TBCK: variants seen among roughly 807,000 people sequenced by gnomAD.
TBCK encodes TBC domain-containing protein kinase-like protein.
TBCK carries 99 observed loss-of-function variants against 113.4 expected under a neutral mutation model. The ratio of observed to expected loss-of-function variants is 0.87; its 90% CI spans 0.74 to 1.03. TBCK has a LOEUF of 1.03. TBCK is among the 50% of genes least tolerant of loss of function. The pLI, the probability that TBCK is intolerant of heterozygous loss-of-function variation, is 0.00. For synonymous variants in TBCK, 369 were observed against 370.8 expected, an observed-to-expected ratio of 1.00 and a Z score of 0.05; for missense variants, 1,045 against 1,061.3, an observed-to-expected ratio of 0.98 and a Z score of 0.21.
chr4:106,212,855 G>C lies in TBCK; in HGVS notation c.1775-20C>G. 6.6e-7 allele frequency: 1 copy of C among 1,524,100 alleles called. No individual in the cohort carries two copies. Among genetic ancestry groups the C allele is most frequent in the Non-Finnish European group, 9.1e-7 (1 of 1,101,336 alleles). 94.4% of individuals were successfully genotyped at this position (1,524,100 alleles called of 1,614,324 possible). On this transcript the variant is annotated intron_variant, in intron 19 of 25. Coordinates refer to ENST00000394708, the MANE Select transcript of TBCK (RefSeq NM_001163435.3). ...GATACTCTGAAATTACAAAGTTTGA[G>C]ACAATCATCATTTTTACACAGTACT...
At chr4:106,205,587 C>CAAAAAAAAAAA (rs70941240) in intron 20 of TBCK, among the ~76,000 whole-genome samples, 3 of 64,212 alleles carry the variant, frequency 4.7e-5, no homozygotes, top group African/African-American at 6.0e-5. Flanking sequence ...ACTAAAAATA[C>CAAAAAAAAAAA]AAAAAAAAAA....
At chr4:106,112,724 A>G (rs1209478080) in intron 24 of TBCK, among the ~76,000 whole-genome samples, 1 of 152,142 alleles carries the variant, frequency 6.6e-6, no homozygotes, top group Non-Finnish European at 1.5e-5. Context: ...TTTATCATAC[A>G]TATTTGAGCC....
chr4:106,082,381 A>T (rs1428411705), intron 25 of TBCK, among the ~76,000 whole-genome samples: 3 of 152,206 alleles, frequency 2.0e-5, no homozygotes, highest in Non-Finnish European at 4.4e-5. Flanking sequence ...GTGGGAGCTA[A>T]ACAATGGGTA....
intron 24 of TBCK, among the ~76,000 whole-genome samples, chr4:106,105,970 G>A (rs60913696): frequency 0.014 from 2,080 of 151,884 alleles, 55 homozygotes; most frequent in African/African-American, 0.047. Flanking sequence ...TAATCGAAAT[G>A]AAAAACACAG....
At chr4:106,124,864 G>A (rs1394093133) in intron 23 of TBCK, among the ~76,000 whole-genome samples, 3 of 151,804 alleles carry the variant, frequency 2.0e-5, no homozygotes, top group Non-Finnish European at 4.4e-5. Flanking sequence ...GCTGGGGGGA[G>A]GGGGAAGGGA....
intron 25 of TBCK, among the ~76,000 whole-genome samples, chr4:106,075,215 G>T (rs909941301): frequency 2.6e-5 from 4 of 152,204 alleles, no homozygotes; most frequent in African/African-American, 9.7e-5. Flanking sequence ...AAGTAAATAT[G>T]TAAAGTTCTC....
At chr4:106,248,058 T>G in intron 9 of TBCK, 187 bp downstream of exon 9, 1 of 402,012 alleles carries the variant, frequency 2.5e-6, no homozygotes, top group South Asian at 9.7e-5. Flanking sequence ...GTAGTTTAAC[T>G]TTAATTACTT....
chr4:106,072,978 A>G (rs1737667488), intron 25 of TBCK, among the ~76,000 whole-genome samples: 1 of 152,098 alleles, frequency 6.6e-6, no homozygotes, highest in African/African-American at 2.4e-5. Context: ...TACACTGTTT[A>G]TTCTAGTTAG....
At chr4:106,303,919 C>T (rs1242848945) in intron 2 of TBCK, among the ~76,000 whole-genome samples, 1 of 152,124 alleles carries the variant, frequency 6.6e-6, no homozygotes, top group Admixed American at 6.5e-5. Flanking sequence ...ACCCTCGGAT[C>T]ATGACCCTCA....
Position 106,231,190 on chromosome 4 carries a change from C to G in TBCK, c.1690+539G>C, listed in dbSNP as rs543671591. 4.0e-5 allele frequency among the ~76,000 whole-genome samples: 6 copies of G among 151,008 alleles called. 1 individual carries two copies. Among genetic ancestry groups the G allele is most frequent in the African/African-American group, 1.5e-4 (6 of 41,298 alleles). On this transcript the variant is annotated intron_variant, in intron 18 of 25. Transcript: ENST00000394708. ...ATCGAATTTAGTATTTATTGAAAAG[C>G]CTACAATAATAAAGTTATTGCAGAA...
chr4:106,072,648 G>A (rs1737615131), intron 25 of TBCK, among the ~76,000 whole-genome samples: 2 of 152,204 alleles, frequency 1.3e-5, no homozygotes, highest in Non-Finnish European at 1.5e-5. Context: ...GGCCTGCCTT[G>A]CTAGGTTGGG....
At chr4:106,179,998 T>C (rs1382885863) in intron 22 of TBCK, among the ~76,000 whole-genome samples, 1 of 152,080 alleles carries the variant, frequency 6.6e-6, no homozygotes, top group Non-Finnish European at 1.5e-5. Context: ...ACTTCTTTTG[T>C]CTTTTTTAAA....
intron 2 of TBCK, among the ~76,000 whole-genome samples, chr4:106,305,282 C>T (rs1281651315): frequency 6.7e-6 from 1 of 149,616 alleles, no homozygotes; most frequent in Non-Finnish European, 1.5e-5. Context: ...ACATAAATGT[C>T]TTTTTAAATT....
At chr4:106,141,170 G>C (rs1392809396) in intron 23 of TBCK, among the ~76,000 whole-genome samples, 1 of 138,902 alleles carries the variant, frequency 7.2e-6, no homozygotes, top group Non-Finnish European at 1.6e-5. Context: ...TATTGTTCTA[G>C]AGAAAAAGGT....
intron 23 of TBCK, among the ~76,000 whole-genome samples, chr4:106,124,783 T>C (rs1040191659): frequency 1.5e-4 from 23 of 151,234 alleles, no homozygotes; most frequent in African/African-American, 5.6e-4. Flanking sequence ...TTCTCACTCA[T>C]AGGTGGGAAC....
chr4:106,189,904 G>A (rs894784234), intron 22 of TBCK, among the ~76,000 whole-genome samples: 6 of 151,760 alleles, frequency 4.0e-5, no homozygotes, highest in African/African-American at 1.5e-4. Context: ...AGGCCTTTGA[G>A]CATTTTATTC....
intron 23 of TBCK, among the ~76,000 whole-genome samples, chr4:106,165,125 G>A (rs1332214143): frequency 2.6e-5 from 4 of 151,512 alleles, no homozygotes; most frequent in Admixed American, 2.6e-4. Context: ...ATTTAACAAA[G>A]AAATAGATTT....
At chr4:106,129,192 T>C (rs1054757890) in intron 23 of TBCK, among the ~76,000 whole-genome samples, 3 of 152,326 alleles carry the variant, frequency 2.0e-5, no homozygotes, top group Admixed American at 2.0e-4. Context: ...TGCAGGTTTG[T>C]TACATAGGAA....
At chr4:106,280,907 G>T (rs1300641752) in intron 3 of TBCK, among the ~76,000 whole-genome samples, 11 of 151,974 alleles carry the variant, frequency 7.2e-5, no homozygotes, top group Admixed American at 4.6e-4. Context: ...TGCTATTCTG[G>T]ATCTTTTGTG....
Sources: allele counts gnomAD v4.1 joint callset (sites outside exome capture counted in the v4.1 genomes callset), GRCh38; gene constraint gnomAD v4.1.1; transcripts MANE v1.5; gene names NCBI Gene and HGNC (gene_info 2026-07-23, HGNC 2026-07-21).